BLNK: variants seen among roughly 807,000 people sequenced by gnomAD.
BLNK encodes the protein B cell linker.
Under a neutral mutation model 73.5 loss-of-function variants are expected in BLNK, and 29 were observed. The ratio of observed to expected loss-of-function variants is 0.39; its 90% CI spans 0.29 to 0.54. BLNK has a LOEUF of 0.54. BLNK is among the 20% of genes least tolerant of loss of function. The pLI, the probability that BLNK is intolerant of heterozygous loss-of-function variation, is 0.61. For synonymous variants in BLNK, 176 were observed against 200.8 expected, an observed-to-expected ratio of 0.88 and a Z score of 1.04; for missense variants, 460 against 562.8, an observed-to-expected ratio of 0.82 and a Z score of 1.85.
intron 7 of BLNK, 160 bp downstream of exon 7, chr10:96,216,493 G>A: frequency 4.4e-6 from 3 of 688,968 alleles, no homozygotes; most frequent in Non-Finnish European, 5.3e-6. Context: ...TGTCACTGAT[G>A]CTGTCTGCCC....
chr10:96,218,084 A>G (rs2084109895), intron 6 of BLNK, among the ~76,000 whole-genome samples: 1 of 152,244 alleles, frequency 6.6e-6, no homozygotes, highest in Admixed American at 6.5e-5. Context: ...GAATCGTCTT[A>G]GCACTTTTGT....
chr10:96,271,407 G>A lies in BLNK; in HGVS notation c.-9C>T. On this transcript the variant is annotated 5_prime_UTR_variant, in exon 1 of 17. Coordinates refer to ENST00000224337, the MANE Select transcript of BLNK (RefSeq NM_013314.4). ...TTATTAAGCTTGTCCATTCTGTTTGGTAATTGTAAGAGACACGAATAACTG... is the reference window on the plus strand; with the variant it reads ...TTATTAAGCTTGTCCATTCTGTTTGATAATTGTAAGAGACACGAATAACTG... 1 of 1,614,102 alleles carries A rather than the reference G, an allele frequency of 6.2e-7. No homozygotes were observed.
intron 1 of BLNK, among the ~76,000 whole-genome samples, chr10:96,259,579 C>T (rs1200547079): frequency 6.7e-6 from 1 of 148,992 alleles, no homozygotes; most frequent in Non-Finnish European, 1.5e-5. Flanking sequence ...CCCTTACACA[C>T]AAGCATCTTG....
intron 1 of BLNK, 111 bp downstream of exon 1, chr10:96,271,241 C>T: frequency 3.2e-6 from 4 of 1,262,484 alleles, no homozygotes; most frequent in Non-Finnish European, 3.5e-6. Flanking sequence ...TAAGTGCCAC[C>T]CACTGGAAAC....
At chr10:96,212,668 A>T (rs1554898914) in intron 8 of BLNK, among the ~76,000 whole-genome samples, 1 of 152,206 alleles carries the variant, frequency 6.6e-6, no homozygotes, top group Admixed American at 6.5e-5. Context: ...CAAAGGACCA[A>T]GAGCAATATT....
intron 5 of BLNK, 95 bp from the exon 6 acceptor site, chr10:96,224,084 G>C: frequency 7.0e-7 from 1 of 1,425,626 alleles, no homozygotes; most frequent in Non-Finnish European, 9.8e-7. Flanking sequence ...AAAACCACGG[G>C]TGTCTATGTA....
intron 2 of BLNK, among the ~76,000 whole-genome samples, chr10:96,244,148 C>G (rs1167218372): frequency 6.6e-6 from 1 of 152,080 alleles, no homozygotes; most frequent in African/African-American, 2.4e-5. Context: ...TTATTTCATT[C>G]AATTCTCCTC....
chr10:96,197,450 A>G (rs587607708), intron 15 of BLNK, among the ~76,000 whole-genome samples: 4 of 152,282 alleles, frequency 2.6e-5, no homozygotes, highest in Admixed American at 1.3e-4. Flanking sequence ...GACTACTGGC[A>G]TGCACCACCA....
At chr10:96,260,040 G>T (rs141860593) in intron 1 of BLNK, among the ~76,000 whole-genome samples, 2 of 152,112 alleles carry the variant, frequency 1.3e-5, no homozygotes, top group Non-Finnish European at 2.9e-5. Context: ...GGTCCTTGGG[G>T]CCTCCAGGAA....
intron 1 of BLNK, among the ~76,000 whole-genome samples, chr10:96,268,532 C>T (rs1485122486): frequency 6.6e-6 from 1 of 152,086 alleles, no homozygotes; most frequent in East Asian, 1.9e-4. Context: ...AGAATCTGTG[C>T]TCACACCTCT....
At chr10:96,205,115 C>A (rs117760185) in intron 11 of BLNK, 2,264 of 169,430 alleles carry the variant, frequency 0.013, 81 homozygotes, top group Admixed American at 0.073. Flanking sequence ...TTAATTGGAT[C>A]AAATTCAAGG....
rs899206355 is a variant in BLNK at position 96,204,308 on chromosome 10, T to A, written c.903-220A>T. ...AAGGAGGAAATCTTGACTAAAGTATTGTATTTTAGTCAAGTTCAATAATTA... is the reference window on the plus strand; with the variant it reads ...AAGGAGGAAATCTTGACTAAAGTATAGTATTTTAGTCAAGTTCAATAATTA... On this transcript the variant is annotated intron_variant, in intron 12 of 16. Coordinates refer to ENST00000224337, the MANE Select transcript of BLNK (RefSeq NM_013314.4). 1.7e-5 allele frequency: 12 copies of A among 701,046 alleles called. No individual in the cohort carries two copies. The African/African-American group carries it at 2.0e-4, about 12-fold the overall frequency. The allele number at this position is 701,046 out of a possible 1,614,324, so 43.4% of individuals were successfully genotyped here. A position where few individuals can be genotyped will look rare whatever the true frequency, so the allele number is the denominator to read the frequency against.
intron 15 of BLNK, among the ~76,000 whole-genome samples, chr10:96,199,291 C>T (rs2083562011): frequency 6.6e-6 from 1 of 152,218 alleles, no homozygotes; most frequent in African/African-American, 2.4e-5. Flanking sequence ...CTTGAATTGT[C>T]CAAGCTGTCC....
chr10:96,255,080 C>T (rs1843453344), intron 1 of BLNK, among the ~76,000 whole-genome samples: 2 of 152,094 alleles, frequency 1.3e-5, no homozygotes, highest in Admixed American at 1.3e-4. Flanking sequence ...TTTGTACATA[C>T]CCCAGGGAAG....
chr10:96,264,851 G>A (rs1009652606), intron 1 of BLNK, among the ~76,000 whole-genome samples: 4 of 152,106 alleles, frequency 2.6e-5, no homozygotes, highest in East Asian at 1.9e-4. Context: ...ACAAGCAAAC[G>A]CATTTCATCT....
chr10:96,209,599 G>A (rs2083900398), intron 9 of BLNK, among the ~76,000 whole-genome samples: 1 of 152,076 alleles, frequency 6.6e-6, no homozygotes, highest in South Asian at 2.1e-4. Context: ...CGCCATGTTG[G>A]CCAGGCTGGT....
chr10:96,253,822 T>C (rs559505455), intron 1 of BLNK, among the ~76,000 whole-genome samples: 23 of 151,788 alleles, frequency 1.5e-4, no homozygotes, highest in Middle Eastern at 3.4e-3. Flanking sequence ...GAGACCATCT[T>C]GGCTAACACG....
rs1249838674 is a variant in BLNK at position 96,190,840 on chromosome 10, C to T, written c.*1133G>A. ...CTCCACGATGGTATCTCTTTTATTC[C>T]TTGGTGTTCACCAATGTCTGCTTTT... On this transcript the variant is annotated 3_prime_UTR_variant, in exon 17 of 17. Coordinates refer to ENST00000224337, the MANE Select transcript of BLNK (RefSeq NM_013314.4). Among the ~76,000 whole-genome samples, 1 of 152,182 alleles carries T rather than the reference C, an allele frequency of 6.6e-6. No individual in the cohort carries two copies. The highest frequency in any genetic ancestry group is 2.4e-5 in the African/African-American group (1 of 41,438).
intron 4 of BLNK, among the ~76,000 whole-genome samples, chr10:96,228,095 C>CTT (rs11286890): frequency 8.7e-6 from 1 of 115,354 alleles, no homozygotes; most frequent in African/African-American, 3.2e-5. Context: ...TCTTTTTTTT[C>CTT]TTTTTTTTTT....
Sources: allele counts gnomAD v4.1 joint callset (sites outside exome capture counted in the v4.1 genomes callset), GRCh38; gene constraint gnomAD v4.1.1; transcripts MANE v1.5; gene names NCBI Gene and HGNC (gene_info 2026-07-23, HGNC 2026-07-21).